LGMN: variants seen among roughly 807,000 people sequenced by gnomAD.
LGMN encodes the protein asparaginyl endopeptidase.
Under a neutral mutation model 56.8 loss-of-function variants are expected in LGMN, and 36 were observed. The observed-to-expected ratio is 0.63, with a 90% CI of 0.49 to 0.84. The LOEUF is 0.84. LGMN is among the 40% of genes least tolerant of loss of function. The pLI, the probability that LGMN is intolerant of heterozygous loss-of-function variation, is 0.00. For synonymous variants in LGMN, 199 were observed against 210.1 expected (o/e 0.95, Z 0.46); for missense variants, 446 against 556.1 (o/e 0.80, Z 1.99).
Position 92,732,729 on chromosome 14 carries a change from T to A in LGMN, c.58A>T (p.Ile20Leu). ...TTGCCTCCATCTTCAGGATCATCTA[T>A]AGGAACGGCACCAATGCCCAGGGCC... is the stretch of plus-strand genomic sequence containing the variant. ...SVALGIGAVP[I>L]DDPEDGGKHW... Residue 20 changes from isoleucine (I) to leucine (L), a missense_variant, in exon 2 of 14, where the codon ATA becomes TTA. Physicochemically the swap from Ile to Leu is conservative, Grantham distance 5 (BLOSUM62 2). Coordinates refer to ENST00000334869, the MANE Select transcript of LGMN (RefSeq NM_005606.7). 1 of 1,614,160 alleles carries A rather than the reference T, an allele frequency of 6.2e-7. No homozygotes were observed. The highest frequency in any genetic ancestry group is 8.5e-7 in the Non-Finnish European group (1 of 1,180,024).
In LGMN at chr14:92,717,172, T is replaced by C. The variant is rs2295988; in HGVS notation, c.318+208A>G. 3.9e-5 allele frequency among the ~76,000 whole-genome samples: 6 copies of C among 152,342 alleles called. No individual in the cohort carries two copies. The East Asian group carries it at 1.2e-3, about 29-fold the overall frequency. On this transcript the variant is annotated intron_variant, in intron 4 of 13. Transcript: ENST00000334869. ...AGAAGACTGGGAACTATCAGTGGATTGCAACTTATTCTAAACATTCTCTTT... is the reference window on the plus strand; with the variant it reads ...AGAAGACTGGGAACTATCAGTGGATCGCAACTTATTCTAAACATTCTCTTT...
chr14:92,726,522 G>T (rs1432359698), intron 2 of LGMN, among the ~76,000 whole-genome samples: 2 of 152,184 alleles, frequency 1.3e-5, no homozygotes, highest in Non-Finnish European at 2.9e-5. Context: ...GAAGGGGCTT[G>T]CCAGGAGCAC....
chr14:92,739,437 C>T (rs1891450915), intron 1 of LGMN, among the ~76,000 whole-genome samples: 1 of 152,178 alleles, frequency 6.6e-6, no homozygotes, highest in South Asian at 2.1e-4. Context: ...TTCCTCTCCT[C>T]CTATCTACTC....
chr14:92,715,917 G>C, intron 5 of LGMN: 1 of 356,928 alleles, frequency 2.8e-6, no homozygotes, highest in South Asian at 4.3e-5. Flanking sequence ...ATAATGAGGG[G>C]CCCTGGATCA....
At chr14:92,734,464 A>G (rs3783929) in intron 1 of LGMN, among the ~76,000 whole-genome samples, 23,971 of 151,998 alleles carry the variant, frequency 0.16, 1,979 homozygotes, top group East Asian at 0.32. Flanking sequence ...ACATGGCAAA[A>G]CCCTGTCTCT....
intron 3 of LGMN, 40 bp downstream of exon 3, chr14:92,718,707 G>A (rs570125120): frequency 7.3e-7 from 1 of 1,361,750 alleles, no homozygotes; most frequent in South Asian, 1.2e-5. Flanking sequence ...TAAATACCCT[G>A]AAGTCCTTCC....
intron 1 of LGMN, among the ~76,000 whole-genome samples, chr14:92,743,825 G>A (rs951715713): frequency 7.3e-5 from 11 of 149,668 alleles, no homozygotes; most frequent in Non-Finnish European, 1.6e-4. Context: ...AAAAATTATC[G>A]TTATCATCAT....
intron 1 of LGMN, among the ~76,000 whole-genome samples, chr14:92,742,138 T>A (rs1891583130): frequency 6.6e-6 from 1 of 150,426 alleles, no homozygotes; most frequent in African/African-American, 2.4e-5. Flanking sequence ...ATACTGAATA[T>A]TTTAAGGAAT....
chr14:92,716,269 C>CTCTGGGTTGG, intron 4 of LGMN, 48 bp from the exon 5 acceptor site: 2 of 1,405,748 alleles, frequency 1.4e-6, no homozygotes, highest in Non-Finnish European at 2.0e-6. Flanking sequence ...CGCTCCAACC[C>CTCTGGGTTGG]AGAGAGTTGG....
chr14:92,705,981 G>T (rs1889409759), intron 12 of LGMN, among the ~76,000 whole-genome samples: 2 of 152,216 alleles, frequency 1.3e-5, no homozygotes, highest in South Asian at 4.1e-4. Context: ...AGACCTGTAG[G>T]CCAGTTTGCC....
intron 4 of LGMN, among the ~76,000 whole-genome samples, chr14:92,716,444 C>A (rs553597420): frequency 5.3e-4 from 81 of 152,298 alleles, no homozygotes; most frequent in African/African-American, 1.9e-3. Flanking sequence ...GCTAGCCTGG[C>A]CAACACAGTG....
intron 1 of LGMN, among the ~76,000 whole-genome samples, chr14:92,739,502 T>G (rs1157265676): frequency 1.3e-5 from 2 of 152,200 alleles, no homozygotes; most frequent in African/African-American, 4.8e-5. Context: ...ACTGAGCACC[T>G]GCTAGCTGCT....
At chr14:92,704,946 A>C in intron 12 of LGMN, 5 of 436,668 alleles carry the variant, frequency 1.1e-5, no homozygotes, top group East Asian at 3.8e-5. Context: ...GCACTCTCAA[A>C]TCTGAGGGCA....
chr14:92,713,873 C>A lies in LGMN; in HGVS notation c.493G>T (p.Asp165Tyr). ...VFPNEDLHVK[D>Y]LNETIHYMYK... Reference sequence around the variant, plus strand: ...ATGTAATGGATGGTCTCATTCAGGTCCTTTACATGAAGCTGAAAGGTGAGA... The same window carrying A: ...ATGTAATGGATGGTCTCATTCAGGTACTTTACATGAAGCTGAAAGGTGAGA... Residue 165 changes from aspartate to tyrosine, a missense_variant, in exon 7 of 14, where the codon GAC (aspartate) becomes TAC (tyrosine). Physicochemically the swap from Asp to Tyr is radical, Grantham distance 160. Transcript: ENST00000334869. 6.2e-7 allele frequency: 1 copy of A among 1,611,986 alleles called. No homozygotes were observed. The highest frequency in any genetic ancestry group is 1.1e-5 in the South Asian group (1 of 91,010).
At chr14:92,724,782 A>G (rs1398106323) in intron 2 of LGMN, among the ~76,000 whole-genome samples, 1 of 152,178 alleles carries the variant, frequency 6.6e-6, no homozygotes, top group Non-Finnish European at 1.5e-5. Flanking sequence ...GTCTGCTTGT[A>G]CTGCCTCCAG....
intron 1 of LGMN, among the ~76,000 whole-genome samples, chr14:92,745,208 T>C (rs1180417373): frequency 6.6e-6 from 1 of 152,264 alleles, no homozygotes; most frequent in Admixed American, 6.5e-5. Context: ...TAATTTTTAA[T>C]GCTTATTTGG....
chr14:92,747,784 C>T (rs368298821), intron 1 of LGMN, among the ~76,000 whole-genome samples: 2 of 152,208 alleles, frequency 1.3e-5, no homozygotes, highest in African/African-American at 4.8e-5. Flanking sequence ...GTCAACTACC[C>T]TGGGCACTCC....
intron 2 of LGMN, among the ~76,000 whole-genome samples, chr14:92,719,430 A>G (rs1385934323): frequency 2.6e-5 from 4 of 151,530 alleles, no homozygotes; most frequent in Admixed American, 2.6e-4. Flanking sequence ...CTGCCACCAC[A>G]TATATAGGTA....
In LGMN at chr14:92,711,679, C is replaced by A. The variant is rs376054031; in HGVS notation, c.799G>T (p.Val267Phe). Residue 267 changes from valine to phenylalanine, a missense_variant, in exon 10 of 14, where the codon GTC becomes TTC. By Grantham distance (50) the Val-to-Phe change is conservative (BLOSUM62 -1). Coordinates refer to ENST00000334869, the MANE Select transcript of LGMN (RefSeq NM_005606.7). ...CTCACTTTGTTTCCATACTGCATGA[C>A]GTGGCTGGTGTTGGTGTGCGATTTT... ...LVKSHTNTSH[V>F]MQYGNKTIST... The A allele has an allele frequency of 1.2e-6, 2 of 1,614,210 alleles. No individual in the cohort carries two copies. Among genetic ancestry groups the A allele is most frequent in the East Asian group, 4.5e-5 (2 of 44,892 alleles).
Sources: allele counts gnomAD v4.1 joint callset (sites outside exome capture counted in the v4.1 genomes callset), GRCh38; gene constraint gnomAD v4.1.1; transcripts MANE v1.5; gene names NCBI Gene and HGNC (gene_info 2026-07-23, HGNC 2026-07-21).